Variants in SAMD8 observed in about 807,000 individuals in gnomAD.
SAMD8 encodes sphingomyelin synthase-related protein 1.
Under a neutral mutation model 42.0 loss-of-function variants are expected in SAMD8, and 20 were observed. The observed-to-expected ratio is 0.48, with a 90% confidence interval of 0.34 to 0.69. SAMD8 has a LOEUF of 0.69. Among genes scored for constraint, SAMD8 ranks in the 30% least tolerant of loss-of-function variants. The pLI, the probability that SAMD8 is intolerant of heterozygous loss-of-function variation, is 0.01. For missense variants in SAMD8, 328 were observed against 511.6 expected (o/e 0.64, Z 3.46); for synonymous variants, 162 against 173.0 (o/e 0.94, Z 0.50).
intron 1 of SAMD8, among the ~76,000 whole-genome samples, chr10:75,119,760 A>G (rs983466598): frequency 1.3e-5 from 2 of 152,150 alleles, no homozygotes; most frequent in African/African-American, 4.8e-5. Flanking sequence ...TTGTTGATAT[A>G]TTCTCTGTAT....
chr10:75,174,042 ACC>A (rs1840931547), intron 4 of SAMD8, among the ~76,000 whole-genome samples: 1 of 152,154 alleles, frequency 6.6e-6, no homozygotes, highest in Admixed American at 6.5e-5. Flanking sequence ...ACCTTTTTGT[ACC>A]ATTATTATGT....
At chr10:75,145,299 T>C (rs1234799173) in intron 1 of SAMD8, among the ~76,000 whole-genome samples, 1 of 152,254 alleles carries the variant, frequency 6.6e-6, no homozygotes, top group Non-Finnish European at 1.5e-5. Flanking sequence ...ACAATTATCA[T>C]AACTGAGTTA....
intron 1 of SAMD8, among the ~76,000 whole-genome samples, chr10:75,100,487 C>T (rs533183886): frequency 1.3e-5 from 2 of 152,334 alleles, no homozygotes; most frequent in African/African-American, 4.8e-5. Context: ...GTTGTGGCAG[C>T]TCCGCCGGTT....
chr10:75,128,039 A>T (rs1331194467), intron 1 of SAMD8, among the ~76,000 whole-genome samples: 2 of 151,494 alleles, frequency 1.3e-5, no homozygotes, highest in Non-Finnish European at 2.9e-5. Flanking sequence ...AGCCCTCTAA[A>T]ATTAATCTGG....
chr10:75,145,996 C>T (rs533735638), intron 1 of SAMD8, among the ~76,000 whole-genome samples: 1 of 152,134 alleles, frequency 6.6e-6, no homozygotes, highest in Non-Finnish European at 1.5e-5. Context: ...TGCTGATAGG[C>T]ATTCAGCTAA....
At position 75,179,962 on chromosome 10, in the gene SAMD8, C is replaced by T. The variant is rs1841051600; in HGVS notation, c.*3270C>T. 1 of 151,512 alleles carries T rather than the reference C, an allele frequency of 6.6e-6. No individual in the cohort carries two copies. Among genetic ancestry groups the T allele is most frequent in the Non-Finnish European group, 1.5e-5 (1 of 67,936 alleles). The allele number at this position is 151,512 out of a possible 1,614,324, so 9.4% of individuals were successfully genotyped here. ...GGGATGCAAACTGGAGGTTATGTTA[C>T]AAGTCTTCAATGCATTTTCTGTGTT... On this transcript the variant is annotated 3_prime_UTR_variant, in exon 6 of 6. Coordinates refer to ENST00000542569, the MANE Select transcript of SAMD8 (RefSeq NM_001174156.2).
intron 1 of SAMD8, among the ~76,000 whole-genome samples, chr10:75,120,851 G>C (rs1407915563): frequency 2.3e-5 from 3 of 131,076 alleles, no homozygotes; most frequent in African/African-American, 8.7e-5. Context: ...TGCAATCTCA[G>C]CTCACTGCAG....
At position 75,150,137 on chromosome 10, in the gene SAMD8, G is replaced by A. The variant is rs1008567102; in HGVS notation, c.-15-377G>A. 2.7e-5 allele frequency among the ~76,000 whole-genome samples: 4 copies of A among 148,488 alleles called. 1 individual carries two copies. Among genetic ancestry groups the A allele is most frequent in the South Asian group, 4.2e-4 (2 of 4,746 alleles). ...TTTTTTGTTTTTTTTTCTTTGAGAC[G>A]ATCTCCCTCTGTTGCCCAGGCTGGA... On this transcript the variant is annotated intron_variant, in intron 1 of 5. Transcript: ENST00000542569.
intron 2 of SAMD8, among the ~76,000 whole-genome samples, chr10:75,156,064 G>A (rs1268398224): frequency 6.6e-6 from 1 of 152,082 alleles, no homozygotes; most frequent in East Asian, 1.9e-4. Flanking sequence ...TTAAAAATTA[G>A]CTAGGTGCGG....
chr10:75,151,185 T>C, intron 2 of SAMD8, 79 bp downstream of exon 2: 2 of 687,230 alleles, frequency 2.9e-6, no homozygotes, highest in Admixed American at 3.4e-5. Flanking sequence ...ATGATAATTA[T>C]ATTGTTTCTT....
intron 1 of SAMD8, among the ~76,000 whole-genome samples, chr10:75,134,391 T>C (rs925221607): frequency 6.6e-6 from 1 of 152,100 alleles, no homozygotes; most frequent in Non-Finnish European, 1.5e-5. Context: ...TCCCAGCACT[T>C]TGAGAGGCCG....
chr10:75,126,359 A>G (rs1849133632), intron 1 of SAMD8, among the ~76,000 whole-genome samples: 1 of 152,166 alleles, frequency 6.6e-6, no homozygotes, highest in South Asian at 2.1e-4. Flanking sequence ...ATCCCTTTCT[A>G]GACTGTAGAA....
chr10:75,140,068 T>C (rs1387766038), intron 1 of SAMD8, among the ~76,000 whole-genome samples: 1 of 152,234 alleles, frequency 6.6e-6, no homozygotes, highest in Non-Finnish European at 1.5e-5. Context: ...CTGAATTGCC[T>C]TTGCACATTT....
At chr10:75,122,269 A>G (rs1654117109) in intron 1 of SAMD8, among the ~76,000 whole-genome samples, 1 of 152,028 alleles carries the variant, frequency 6.6e-6, no homozygotes, top group African/African-American at 2.4e-5. Context: ...CATATTTGCT[A>G]TTTTTTGGGA....
chr10:75,103,317 C>A (rs1848292632), intron 1 of SAMD8, among the ~76,000 whole-genome samples: 2 of 152,210 alleles, frequency 1.3e-5, no homozygotes, highest in Non-Finnish European at 2.9e-5. Context: ...CTAGAAGACT[C>A]AGGCTGAGGG....
intron 1 of SAMD8, among the ~76,000 whole-genome samples, chr10:75,137,848 A>C (rs1312287964): frequency 1.3e-5 from 2 of 152,190 alleles, no homozygotes; most frequent in African/African-American, 4.8e-5. Context: ...GAACTATAAC[A>C]CTTAAAATGG....
chr10:75,172,541 C>T (rs935684071), intron 4 of SAMD8, among the ~76,000 whole-genome samples: 11 of 151,766 alleles, frequency 7.2e-5, no homozygotes, highest in East Asian at 3.9e-4. Flanking sequence ...TCTGTCGCCC[C>T]GGCTAGCGTG....
intron 1 of SAMD8, among the ~76,000 whole-genome samples, chr10:75,123,457 A>G (rs954154618): frequency 2.6e-5 from 4 of 152,024 alleles, no homozygotes; most frequent in Non-Finnish European, 4.4e-5. Context: ...AATGATGACA[A>G]TCCCAGCTCC....
intron 1 of SAMD8, among the ~76,000 whole-genome samples, chr10:75,149,229 C>T (rs1390088569): frequency 6.6e-6 from 1 of 151,924 alleles, no homozygotes; most frequent in Non-Finnish European, 1.5e-5. Context: ...ATCTGATATA[C>T]TTTATAAACC....
Sources: gnomAD v4.1 joint callset for allele counts (sites outside exome capture counted in the v4.1 genomes callset) on GRCh38, gnomAD v4.1.1 for gene constraint, MANE v1.5 for transcripts, NCBI Gene and HGNC (gene_info 2026-07-23, HGNC 2026-07-21) for gene names.